TSEN2: variants seen among roughly 807,000 people sequenced by gnomAD.
The protein encoded by TSEN2 is tRNA splicing endonuclease subunit 2, also known as tRNA-splicing endonuclease subunit Sen2.
In TSEN2, 54 loss-of-function variants were observed where a neutral mutation model predicts 59.2. The observed-to-expected ratio is 0.91, with a 90% CI of 0.73 to 1.14. The LOEUF is 1.14. Ranked by LOEUF, TSEN2 falls within the 50% of genes most tolerant of loss-of-function variation. TSEN2 has a pLI of 0.00. For synonymous variants in TSEN2, 195 were observed against 198.2 expected (o/e 0.98, Z 0.14); for missense variants, 636 against 576.2 (o/e 1.10, Z -1.06).
At position 12,528,805 on chromosome 3, in the gene TSEN2, A is replaced by G. The variant is rs1388238945; in HGVS notation, c.1100-83A>G. On this transcript the variant is annotated intron_variant, in intron 8 of 11. Coordinates refer to ENST00000284995, the MANE Select transcript of TSEN2 (RefSeq NM_025265.4). ...GCTTCCTTTTGGAGAAGAAAAGTTA[A>G]TAAAGCAAGCTTTTTGTTGAGTCTT... 4.0e-6 allele frequency: 6 copies of G among 1,482,162 alleles called. No individual in the cohort carries two copies. The East Asian group carries it at 9.0e-5, about 22-fold the overall frequency. The allele number at this position is 1,482,162 out of a possible 1,614,324, so 91.8% of individuals were successfully genotyped here.
chr3:12,535,910 T>A (rs981119486), downstream of TSEN2, among the ~76,000 whole-genome samples: 1 of 152,220 alleles, frequency 6.6e-6, no homozygotes, highest in African/African-American at 2.4e-5. Flanking sequence ...GAAACGTTGC[T>A]TGATCACTCC....
At chr3:12,538,794 CT>C in intron 10 of TSEN2, 1 of 162,604 alleles carries the variant, frequency 6.1e-6, no homozygotes, top group East Asian at 1.9e-4. Context: ...TACCTCATTT[CT>C]TTACAGTTTC....
rs1160986136 is a variant in TSEN2 at position 12,495,126 on chromosome 3, CAAAAAAAAA to C, written c.272-1378_272-1370del. ...GGGTGACATAATGCAACTCCGTCTC[CAAAAAAAAA>C]AAAAAAAAAAAAAGTTAAATTTTTA... On this transcript the variant is annotated intron_variant, in intron 3 of 11. Transcript: ENST00000284995. 1.2e-4 allele frequency among the ~76,000 whole-genome samples: 8 copies of C among 68,712 alleles called. 1 individual carries two copies. Among genetic ancestry groups the C allele is most frequent in the African/African-American group, 3.1e-4 (5 of 15,940 alleles). The allele number at this position is 68,712 out of a possible 152,430, so 45.1% of individuals were successfully genotyped here.
In TSEN2 at chr3:12,484,527, C is replaced by T. The variant is rs1390309998; in HGVS notation, c.-371C>T. On this transcript the variant is annotated 5_prime_UTR_variant, in exon 1 of 12. Coordinates refer to ENST00000284995, the MANE Select transcript of TSEN2 (RefSeq NM_025265.4). ...CGTGGGGCCAAGAAAGGTAAGGGCC[C>T]TGGGCGAGGAAAGCGCGGCCCTTTC... is the stretch of plus-strand genomic sequence containing the variant. The T allele has an allele frequency of 1.3e-5, 2 of 152,240 alleles. No homozygotes were observed. The highest frequency in any genetic ancestry group is 2.9e-5 in the Non-Finnish European group (2 of 68,042). 9.4% of individuals were successfully genotyped at this position (152,240 alleles called of 1,614,324 possible). A position where few individuals can be genotyped will look rare whatever the true frequency, so the allele number is the denominator to read the frequency against.
chr3:12,494,662 A>G lies in TSEN2; in HGVS notation c.272-1856A>G, dbSNP rs111541041. On this transcript the variant is annotated intron_variant, in intron 3 of 11. Coordinates refer to ENST00000284995, the MANE Select transcript of TSEN2 (RefSeq NM_025265.4). ...GTGATCTGCCTGCCTTGGCCTCCCA[A>G]AGTGCTGGGATTACAGGCATGAGCC... 2.5e-3 allele frequency among the ~76,000 whole-genome samples: 381 copies of G among 151,890 alleles called. 3 individuals carry two copies. The highest frequency in any genetic ancestry group is 8.4e-3 in the African/African-American group (348 of 41,516).
intron 3 of TSEN2, among the ~76,000 whole-genome samples, chr3:12,495,058 G>A (rs899404770): frequency 2.0e-5 from 3 of 147,444 alleles, no homozygotes; most frequent in African/African-American, 5.1e-5. Context: ...CCCTGGAGGC[G>A]GAGGTTGCAG....
chr3:12,515,042 T>C (rs541432232), intron 6 of TSEN2: 83 of 152,338 alleles, frequency 5.4e-4, no homozygotes, highest in African/African-American at 1.9e-3. Context: ...ATGAGGCAGA[T>C]AACACCACGT....
In TSEN2 at chr3:12,532,837, C is replaced by A; in HGVS notation, c.*116C>A. The A allele has an allele frequency of 1.1e-6, 1 of 943,232 alleles. No homozygotes were observed. Among genetic ancestry groups the A allele is most frequent in the Non-Finnish European group, 1.7e-6 (1 of 593,616 alleles). 58.4% of individuals were successfully genotyped at this position (943,232 alleles called of 1,614,324 possible). A position where few individuals can be genotyped will look rare whatever the true frequency, so the allele number is the denominator to read the frequency against. On this transcript the variant is annotated 3_prime_UTR_variant, in exon 12 of 12. Coordinates refer to ENST00000284995, the MANE Select transcript of TSEN2 (RefSeq NM_025265.4). ...TAAGTTTTAAAGGGCATGGTGCTCC[C>A]AGCACCAGAAAACTATCAGTGTTTT...
upstream of TSEN2, among the ~76,000 whole-genome samples, chr3:12,480,915 C>T (rs182980600): frequency 6.6e-6 from 1 of 152,192 alleles, no homozygotes; most frequent in Non-Finnish European, 1.5e-5. Flanking sequence ...TCCGTATCCT[C>T]ATCTGGCCTT....
Position 12,532,683 on chromosome 3 carries a change from G to GTTTCTTCAC in TSEN2, c.1361_1369dup (p.Ser456_Arg457insLeuSerSer). The GTTTCTTCAC allele has an allele frequency of 6.2e-7, 1 of 1,614,114 alleles. No homozygotes were observed. The highest frequency in any genetic ancestry group is 8.5e-7 in the Non-Finnish European group (1 of 1,180,020). ...GTAGGAGGTGATTCTGAGTCGATGG[G>GTTTCTTCAC]TTTCTTCACGAGAGAGGAGTGACCA... On this transcript the variant is annotated inframe_insertion, in exon 12 of 12. Coordinates refer to ENST00000284995, the MANE Select transcript of TSEN2 (RefSeq NM_025265.4).
At chr3:12,493,094 G>A (rs2053390725) in intron 3 of TSEN2, among the ~76,000 whole-genome samples, 2 of 152,174 alleles carry the variant, frequency 1.3e-5, no homozygotes, top group Non-Finnish European at 2.9e-5. Flanking sequence ...CCCTGCCATA[G>A]TGTCTATCAG....
At chr3:12,486,462 T>C (rs2052623650) in intron 1 of TSEN2, among the ~76,000 whole-genome samples, 1 of 152,222 alleles carries the variant, frequency 6.6e-6, no homozygotes, top group South Asian at 2.1e-4. Flanking sequence ...TTCTATCTTT[T>C]CTAGAAGCTT....
intron 4 of TSEN2, among the ~76,000 whole-genome samples, chr3:12,501,567 TTGAACTGTGTGA>T (rs1335206557): frequency 1.3e-5 from 2 of 152,240 alleles, no homozygotes; most frequent in Non-Finnish European, 2.9e-5. Context: ...AATGTCCTTG[TTGAACTGTGTGA>T]GATATAGCAG....
downstream of TSEN2, among the ~76,000 whole-genome samples, chr3:12,537,149 G>C (rs918383646): frequency 2.0e-5 from 3 of 152,092 alleles, no homozygotes; most frequent in Non-Finnish European, 2.9e-5. Context: ...AAAATTAAGG[G>C]GTGAGAATCC....
chr3:12,519,472 G>A (rs1007493619), intron 8 of TSEN2, among the ~76,000 whole-genome samples: 1 of 152,180 alleles, frequency 6.6e-6, no homozygotes, highest in Non-Finnish European at 1.5e-5. Context: ...CTGGCTGAGC[G>A]CCGTGGCTTA....
chr3:12,524,440 T>G (rs1327682403), intron 8 of TSEN2, among the ~76,000 whole-genome samples: 2 of 152,176 alleles, frequency 1.3e-5, no homozygotes, highest in Non-Finnish European at 2.9e-5. Flanking sequence ...ATTCCTTGTC[T>G]CTTCCAGATT....
intron 6 of TSEN2, among the ~76,000 whole-genome samples, chr3:12,515,382 GAGGGGCCCTCCT>G (rs1206845872): frequency 6.6e-6 from 1 of 152,234 alleles, no homozygotes; most frequent in Non-Finnish European, 1.5e-5. Context: ...CACTGCACAA[GAGGGGCCCTCCT>G]CGTCTGTGTC....
chr3:12,527,733 A>G (rs1028709956), intron 8 of TSEN2, among the ~76,000 whole-genome samples: 5 of 152,174 alleles, frequency 3.3e-5, no homozygotes, highest in African/African-American at 4.8e-5. Context: ...TGGCGGCCCA[A>G]TCAACTCCAA....
upstream of TSEN2, among the ~76,000 whole-genome samples, chr3:12,481,897 A>ATG (rs151178256): frequency 9.0e-3 from 1,350 of 150,074 alleles, 7 homozygotes; most frequent in African/African-American, 0.016. Flanking sequence ...CAGTTGATAT[A>ATG]TGTGTGTGTG....
Sources: gnomAD v4.1 joint callset for allele counts (sites outside exome capture counted in the v4.1 genomes callset) on GRCh38, gnomAD v4.1.1 for gene constraint, MANE v1.5 for transcripts, NCBI Gene and HGNC (gene_info 2026-07-23, HGNC 2026-07-21) for gene names.